The following GRID2 variants were observed in gnomAD, a reference collection of about 807,000 sequenced individuals.
GRID2 encodes glutamate receptor ionotropic, delta-2.
In GRID2, 33 loss-of-function variants were observed where a neutral mutation model predicts 114.8. That is an observed-to-expected ratio of 0.29 (90% CI 0.22 to 0.38). GRID2 has a LOEUF of 0.38. Among genes scored for constraint, GRID2 ranks in the 10% least tolerant of loss-of-function variants. The pLI, the probability that GRID2 is intolerant of heterozygous loss-of-function variation, is 1.00. For missense variants in GRID2, 1,184 were observed against 1,257.7 expected (o/e 0.94, Z 0.89); for synonymous variants, 505 against 449.9 (o/e 1.12, Z -1.55).
In GRID2 at chr4:93,206,560, G is replaced by A. The variant is rs147478710; in HGVS notation, c.736-844G>A. 8.0e-4 allele frequency among the ~76,000 whole-genome samples: 119 copies of A among 148,638 alleles called. 1 individual carries two copies. The highest frequency in any genetic ancestry group is 2.5e-3 in the African/African-American group (99 of 40,270). On this transcript the variant is annotated intron_variant, in intron 4 of 15. Coordinates refer to ENST00000282020, the MANE Select transcript of GRID2 (RefSeq NM_001510.4). Reference sequence around the variant, plus strand: ...AATATGTATGATAAGATTTATTAGCGTAGAAACCTTCATATAGAAACTGCC... The same window carrying A: ...AATATGTATGATAAGATTTATTAGCATAGAAACCTTCATATAGAAACTGCC...
chr4:93,608,683 T>C lies in GRID2; in HGVS notation c.2194-17586T>C, dbSNP rs1166422363. 8.7e-5 allele frequency among the ~76,000 whole-genome samples: 12 copies of C among 138,248 alleles called. 2 individuals carry two copies. The highest frequency in any genetic ancestry group is 5.0e-4 in the Admixed American group (7 of 14,126). 90.7% of individuals were successfully genotyped at this position (138,248 alleles called of 152,430 possible). A position where few individuals can be genotyped will look rare whatever the true frequency, so the allele number is the denominator to read the frequency against. ...TGCATAGTATTCCATGGTGTATATG[T>C]GCCCCATTTTCTTAATCTAGTCTAT... On this transcript the variant is annotated intron_variant, in intron 13 of 15. Coordinates refer to ENST00000282020, the MANE Select transcript of GRID2 (RefSeq NM_001510.4).
intron 2 of GRID2, among the ~76,000 whole-genome samples, chr4:92,930,586 T>A (rs1750154597): frequency 6.7e-6 from 1 of 148,872 alleles, no homozygotes. Context: ...GCATTTTTTT[T>A]TTTTTTTTTT....
rs553827887 is a variant in GRID2, at chr4:93,582,784, T to C, written c.2194-43485T>C. Among the ~76,000 whole-genome samples the C allele has an allele frequency of 3.3e-5, 5 of 152,222 alleles. No homozygotes were observed. In the East Asian group the frequency reaches 9.6e-4, roughly 29 times the overall value. On this transcript the variant is annotated intron_variant, in intron 13 of 15. Coordinates refer to ENST00000282020, the MANE Select transcript of GRID2 (RefSeq NM_001510.4). ...ATATTTAGATTGGGGAAATAAATAATTCCTTAGGTTCTTTAAAGGGTGAGA... is the reference window on the plus strand; with the variant it reads ...ATATTTAGATTGGGGAAATAAATAACTCCTTAGGTTCTTTAAAGGGTGAGA...
intron 2 of GRID2, among the ~76,000 whole-genome samples, chr4:92,761,534 A>G (rs1177182105): frequency 6.6e-6 from 1 of 152,224 alleles, no homozygotes; most frequent in Non-Finnish European, 1.5e-5. Flanking sequence ...AAAAGTGACC[A>G]AATATTTTGT....
At chr4:93,750,848 G>T (rs1042053792) in intron 14 of GRID2, among the ~76,000 whole-genome samples, 1 of 152,138 alleles carries the variant, frequency 6.6e-6, no homozygotes, top group Non-Finnish European at 1.5e-5. Context: ...ACTTAAAAGA[G>T]ATGAGTTAGT....
chr4:92,313,075 T>C (rs1206238621), intron 1 of GRID2, among the ~76,000 whole-genome samples: 1 of 131,208 alleles, frequency 7.6e-6, no homozygotes, highest in Non-Finnish European at 1.6e-5. Flanking sequence ...ATAAAGAAAC[T>C]CTGATATGTG....
Position 92,508,177 on chromosome 4 carries a change from A to G in GRID2, c.89-81954A>G, listed in dbSNP as rs185347291. Among the ~76,000 whole-genome samples the G allele has an allele frequency of 3.9e-5, 6 of 152,066 alleles. No homozygotes were observed. In the East Asian group the frequency reaches 1.2e-3, roughly 30 times the overall value. ...CAGTTTTTGAAAAAGTGTCTGGTACATAGTAGGAATTCAGAAACAGTTGTT... is the reference window on the plus strand; with the variant it reads ...CAGTTTTTGAAAAAGTGTCTGGTACGTAGTAGGAATTCAGAAACAGTTGTT... On this transcript the variant is annotated intron_variant, in intron 1 of 15. Coordinates refer to ENST00000282020, the MANE Select transcript of GRID2 (RefSeq NM_001510.4).
chr4:93,197,034 C>T (rs1032776139), intron 4 of GRID2, among the ~76,000 whole-genome samples: 10 of 152,088 alleles, frequency 6.6e-5, no homozygotes, highest in African/African-American at 1.9e-4. Flanking sequence ...TTTTCTTATA[C>T]CACTTTAAGG....
rs576187018 is a variant in GRID2, at chr4:93,031,032, ATTTT to A, written c.245-53944_245-53941del. Among the ~76,000 whole-genome samples, 429 of 106,170 alleles carry A rather than the reference ATTTT, an allele frequency of 4.0e-3. 1 individual carries two copies. Among genetic ancestry groups the A allele is most frequent in the South Asian group, 0.016 (51 of 3,174 alleles). The allele number at this position is 106,170 out of a possible 152,430, so 69.7% of individuals were successfully genotyped here. A position where few individuals can be genotyped will look rare whatever the true frequency, so the allele number is the denominator to read the frequency against. On this transcript the variant is annotated intron_variant, in intron 2 of 15. Coordinates refer to ENST00000282020, the MANE Select transcript of GRID2 (RefSeq NM_001510.4). ...AATTGCTTTACATGATCCAATCTCC[ATTTT>A]TTTTTTTTTTTTTTTTTTGACATGG... is the stretch of plus-strand genomic sequence containing the variant.
intron 8 of GRID2, among the ~76,000 whole-genome samples, chr4:93,379,353 C>G (rs2149305532): frequency 6.6e-6 from 1 of 152,124 alleles, no homozygotes; most frequent in South Asian, 2.1e-4. Flanking sequence ...AGGAGGGTTG[C>G]ACTTTTGCTC....
intron 1 of GRID2, among the ~76,000 whole-genome samples, chr4:93,797,533 C>T (rs1382312993): frequency 6.6e-6 from 1 of 152,060 alleles, no homozygotes; most frequent in Non-Finnish European, 1.5e-5. Flanking sequence ...ATGATGGTGG[C>T]TGGTGTCAGA....
At chr4:92,659,899 C>T (rs1161791968) in intron 2 of GRID2, among the ~76,000 whole-genome samples, 4 of 151,388 alleles carry the variant, frequency 2.6e-5, no homozygotes, top group Non-Finnish European at 5.9e-5. Context: ...ATTCTTTCCT[C>T]GGATAACGTG....
chr4:92,538,071 A>G (rs773063758), intron 1 of GRID2, among the ~76,000 whole-genome samples: 12 of 152,160 alleles, frequency 7.9e-5, no homozygotes, highest in Non-Finnish European at 1.6e-4. Flanking sequence ...ACTTTTCTGT[A>G]TTTATTAGTT....
intron 3 of GRID2, among the ~76,000 whole-genome samples, chr4:93,096,679 CAA>C (rs1731255009): frequency 6.6e-6 from 1 of 152,064 alleles, no homozygotes; most frequent in East Asian, 1.9e-4. Flanking sequence ...TGGCTGAAGG[CAA>C]AGACTGACAA....
intron 7 of GRID2, among the ~76,000 whole-genome samples, chr4:93,225,426 T>G (rs1745377303): frequency 6.6e-6 from 1 of 152,240 alleles, no homozygotes; most frequent in Non-Finnish European, 1.5e-5. Flanking sequence ...CATGTCATCC[T>G]TCTTGACATT....
chr4:92,925,619 A>G (rs1045586261), intron 2 of GRID2, among the ~76,000 whole-genome samples: 5 of 151,982 alleles, frequency 3.3e-5, no homozygotes, highest in Non-Finnish European at 7.4e-5. Flanking sequence ...ATATTGGTAA[A>G]CTCTTTCAAA....
At position 92,653,320 on chromosome 4, in the gene GRID2, CAT is replaced by C. The variant is rs201938967; in HGVS notation, c.244+63035_244+63036del. Among the ~76,000 whole-genome samples the C allele has an allele frequency of 4.9e-3, 717 of 144,954 alleles. 8 individuals are homozygous for C. Among genetic ancestry groups the C allele is most frequent in the African/African-American group, 0.014 (563 of 40,060 alleles). ...GGCCAAAATTACACACACACACACA[CAT>C]GTGTCTGTGTGTGTGTGTGTGTGTG... On this transcript the variant is annotated intron_variant, in intron 2 of 15. Coordinates refer to ENST00000282020, the MANE Select transcript of GRID2 (RefSeq NM_001510.4).
chr4:92,755,834 T>G (rs1045608945), intron 2 of GRID2, among the ~76,000 whole-genome samples: 4 of 152,246 alleles, frequency 2.6e-5, no homozygotes, highest in East Asian at 1.9e-4. Flanking sequence ...ATTTACATGT[T>G]TTTATTGATA....
intron 4 of GRID2, among the ~76,000 whole-genome samples, chr4:93,154,441 T>G (rs559291402): frequency 6.6e-6 from 1 of 152,130 alleles, no homozygotes; most frequent in African/African-American, 2.4e-5. Context: ...CCTTTATCTC[T>G]TCTGATTTGT....
Sources: gnomAD v4.1 joint callset for allele counts (sites outside exome capture counted in the v4.1 genomes callset) on GRCh38, gnomAD v4.1.1 for gene constraint, MANE v1.5 for transcripts, NCBI Gene and HGNC (gene_info 2026-07-23, HGNC 2026-07-21) for gene names.